Variants in B3GALT1 observed in about 807,000 individuals in gnomAD.
B3GALT1 encodes the protein beta-1,3-galactosyltransferase 1.
Under a neutral mutation model 23.2 loss-of-function variants are expected in B3GALT1, and 10 were observed. That is an observed-to-expected ratio of 0.43 (90% CI 0.27 to 0.73). B3GALT1 has a LOEUF of 0.73. Among genes scored for constraint, B3GALT1 ranks in the 30% least tolerant of loss-of-function variants. The pLI is 0.21. For missense variants in B3GALT1, 299 were observed against 405.4 expected (o/e 0.74, Z 2.25); for synonymous variants, 156 against 141.5 (o/e 1.10, Z -0.73).
At chr2:167,642,720 A>G (rs1161629442) in intron 2 of B3GALT1, among the ~76,000 whole-genome samples, 1 of 152,028 alleles carries the variant, frequency 6.6e-6, no homozygotes. Context: ...CTCATATATT[A>G]TATATTTACT....
chr2:167,649,765 G>A (rs1653399), intron 3 of B3GALT1, among the ~76,000 whole-genome samples: 152,199 of 152,202 alleles, frequency 1, 76,098 homozygotes, highest in Non-Finnish European at 1. Context: ...TTGATCTTGT[G>A]TCCTACAAGT....
rs2126920 is a variant in B3GALT1 at position 167,365,949 on chromosome 2, G to T, written c.-511+72615G>T. On this transcript the variant is annotated intron_variant, in intron 1 of 4. Transcript: ENST00000392690. ...TGAATGATTAAATGACTGGCCAAAGGCTACAGATATGTAAAGTACCTGCGC... is the reference window on the plus strand; with the variant it reads ...TGAATGATTAAATGACTGGCCAAAGTCTACAGATATGTAAAGTACCTGCGC... Among the ~76,000 whole-genome samples, 716 of 152,252 alleles carry T rather than the reference G, an allele frequency of 4.7e-3. 6 individuals carry two copies. The highest frequency in any genetic ancestry group is 0.017 in the African/African-American group (696 of 41,550).
At chr2:167,486,537 G>C (rs1367507567) in intron 1 of B3GALT1, among the ~76,000 whole-genome samples, 1 of 151,066 alleles carries the variant, frequency 6.6e-6, no homozygotes, top group African/African-American at 2.4e-5. Flanking sequence ...GGCCAACATG[G>C]TGAAACCACG....
intron 2 of B3GALT1, among the ~76,000 whole-genome samples, chr2:167,534,840 G>A (rs540683582): frequency 6.6e-6 from 1 of 152,312 alleles, no homozygotes; most frequent in South Asian, 2.1e-4. Context: ...ATCTGGACTG[G>A]CAAATATGTG....
intron 3 of B3GALT1, among the ~76,000 whole-genome samples, chr2:167,741,316 T>C (rs1687573729): frequency 6.6e-6 from 1 of 152,182 alleles, no homozygotes; most frequent in Non-Finnish European, 1.5e-5. Context: ...CTGAGCACAT[T>C]CTAACAAATG....
chr2:167,623,321 A>G (rs1685291940), intron 2 of B3GALT1, among the ~76,000 whole-genome samples: 1 of 152,298 alleles, frequency 6.6e-6, no homozygotes, highest in African/African-American at 2.4e-5. Context: ...ATGCACACAT[A>G]TGTTTATTTG....
intron 1 of B3GALT1, among the ~76,000 whole-genome samples, chr2:167,302,700 T>C (rs1696469842): frequency 1.3e-5 from 2 of 152,172 alleles, no homozygotes; most frequent in African/African-American, 4.8e-5. Context: ...TTATCAGTTG[T>C]CCTAATTTGT....
intron 1 of B3GALT1, among the ~76,000 whole-genome samples, chr2:167,436,998 G>A (rs1262587639): frequency 1.3e-5 from 2 of 152,128 alleles, no homozygotes; most frequent in Non-Finnish European, 2.9e-5. Flanking sequence ...TAAAGTTCTT[G>A]TGGCATTATG....
chr2:167,466,198 G>C (rs1233341543), intron 1 of B3GALT1, among the ~76,000 whole-genome samples: 1 of 152,002 alleles, frequency 6.6e-6, no homozygotes, highest in Non-Finnish European at 1.5e-5. Context: ...TTTTGTTTTT[G>C]TTTTATCCTG....
chr2:167,713,885 A>G, intron 3 of B3GALT1: 16 of 1,585,830 alleles, frequency 1.0e-5, no homozygotes, highest in Non-Finnish European at 1.4e-5. Flanking sequence ...TGAAGCTCCA[A>G]ACATGGTTCC....
At chr2:167,505,857 C>T (rs1164527930) in intron 2 of B3GALT1, among the ~76,000 whole-genome samples, 2 of 151,920 alleles carry the variant, frequency 1.3e-5, no homozygotes, top group African/African-American at 2.4e-5. Context: ...GCCAGGAGTT[C>T]GAGACCAGCC....
intron 1 of B3GALT1, among the ~76,000 whole-genome samples, chr2:167,302,827 C>T (rs1696471534): frequency 6.6e-6 from 1 of 152,046 alleles, no homozygotes; most frequent in Non-Finnish European, 1.5e-5. Flanking sequence ...AATCATGCTT[C>T]CTTACATAAA....
Position 167,492,272 on chromosome 2 carries a change from A to G in B3GALT1, c.-410+1995A>G, listed in dbSNP as rs75010991. Among the ~76,000 whole-genome samples the G allele has an allele frequency of 2.8e-3, 420 of 152,308 alleles. 16 individuals are homozygous for G. The East Asian group carries it at 0.062, about 22-fold the overall frequency. ...AGTTTGGCTTCTTTTACAAAGCAGT[A>G]TGCTTTTAAGGTTCATCTATGTTTT... is the stretch of plus-strand genomic sequence containing the variant. On this transcript the variant is annotated intron_variant, in intron 2 of 4. Coordinates refer to ENST00000392690, the MANE Select transcript of B3GALT1 (RefSeq NM_020981.4).
intron 1 of B3GALT1, among the ~76,000 whole-genome samples, chr2:167,434,372 C>T (rs1034828079): frequency 6.6e-6 from 1 of 152,070 alleles, no homozygotes; most frequent in Non-Finnish European, 1.5e-5. Flanking sequence ...TATACCCATT[C>T]CCCAGTTTAA....
intron 2 of B3GALT1, among the ~76,000 whole-genome samples, chr2:167,511,833 T>G (rs1356684405): frequency 6.6e-6 from 1 of 152,132 alleles, no homozygotes; most frequent in Non-Finnish European, 1.5e-5. Context: ...ACTAATAAGA[T>G]GGACTCAGAT....
intron 3 of B3GALT1, among the ~76,000 whole-genome samples, chr2:167,794,755 T>C (rs1405033590): frequency 6.6e-6 from 1 of 152,200 alleles, no homozygotes; most frequent in Non-Finnish European, 1.5e-5. Flanking sequence ...AATGCACTAA[T>C]GTGATAAGCT....
chr2:167,351,285 G>A (rs146473576), intron 1 of B3GALT1, among the ~76,000 whole-genome samples: 2,320 of 147,424 alleles, frequency 0.016, 56 homozygotes, highest in East Asian at 0.062. Flanking sequence ...AAAAAAAAAC[G>A]AAAACAAAAA....
rs185915020 is a variant in B3GALT1 at position 167,571,147 on chromosome 2, G to A, written c.-409-75762G>A. Reference sequence around the variant, plus strand: ...ATGGAGTGAAAGAGGGCTTTTGTAAGGGACATTCAACAACACCACAGATGG... The same window carrying A: ...ATGGAGTGAAAGAGGGCTTTTGTAAAGGACATTCAACAACACCACAGATGG... On this transcript the variant is annotated intron_variant, in intron 2 of 4. Coordinates refer to ENST00000392690, the MANE Select transcript of B3GALT1 (RefSeq NM_020981.4). Among the ~76,000 whole-genome samples, 140 of 151,966 alleles carry A rather than the reference G, an allele frequency of 9.2e-4. 1 individual carries two copies. Among genetic ancestry groups the A allele is most frequent in the African/African-American group, 3.2e-3 (134 of 41,512 alleles).
At chr2:167,842,985 G>T (rs532808013) in intron 4 of B3GALT1, among the ~76,000 whole-genome samples, 1 of 152,282 alleles carries the variant, frequency 6.6e-6, no homozygotes, top group East Asian at 1.9e-4. Flanking sequence ...CTTTTCTCAT[G>T]TTGAAGCTGA....
Sources: allele counts gnomAD v4.1 joint callset (sites outside exome capture counted in the v4.1 genomes callset), GRCh38; gene constraint gnomAD v4.1.1; transcripts MANE v1.5; gene names NCBI Gene and HGNC (gene_info 2026-07-23, HGNC 2026-07-21).